Variants in CALCR observed in about 807,000 individuals in gnomAD.
CALCR encodes calcitonin receptor.
Under a neutral mutation model 59.5 loss-of-function variants are expected in CALCR, and 47 were observed. The ratio of observed to expected loss-of-function variants is 0.79; its 90% confidence interval spans 0.63 to 1.01. The LOEUF (loss-of-function observed/expected upper bound fraction) is 1.01. CALCR is among the 50% of genes least tolerant of loss of function. The pLI, the probability that CALCR is intolerant of heterozygous loss-of-function variation, is 0.00. For synonymous variants in CALCR, 213 were observed against 211.3 expected (o/e 1.01, Z -0.07); for missense variants, 566 against 597.1 (o/e 0.95, Z 0.54).
intron 3 of CALCR, among the ~76,000 whole-genome samples, chr7:93,480,916 C>T (rs1043090334): frequency 7.9e-5 from 12 of 151,688 alleles, no homozygotes; most frequent in African/African-American, 2.9e-4. Flanking sequence ...AACCATCTTG[C>T]CTGAAGGGGA....
At chr7:93,529,866 T>A (rs959504754) in intron 2 of CALCR, among the ~76,000 whole-genome samples, 1 of 152,162 alleles carries the variant, frequency 6.6e-6, no homozygotes, top group African/African-American at 2.4e-5. Context: ...AAGGCAAAAT[T>A]TAAGTCTGTG....
At chr7:93,498,783 T>A (rs1324604769) in intron 2 of CALCR, among the ~76,000 whole-genome samples, 1 of 151,676 alleles carries the variant, frequency 6.6e-6, no homozygotes, top group Non-Finnish European at 1.5e-5. Flanking sequence ...TAAAGTAAAC[T>A]CAGTTTTGGA....
At chr7:93,464,690 G>T (rs1223940648) in intron 7 of CALCR, among the ~76,000 whole-genome samples, 4 of 151,762 alleles carry the variant, frequency 2.6e-5, no homozygotes, top group Admixed American at 2.0e-4. Flanking sequence ...TGTTCTATGG[G>T]TGAAGAATAT....
intron 7 of CALCR, 22 bp downstream of exon 7, chr7:93,468,693 C>A (rs1372725459): frequency 6.7e-7 from 1 of 1,484,082 alleles, no homozygotes; most frequent in Non-Finnish European, 9.4e-7. Context: ...AAATAAAGAG[C>A]AGATGCTGTG....
At chr7:93,518,520 T>C (rs2116076139) in intron 2 of CALCR, among the ~76,000 whole-genome samples, 1 of 152,038 alleles carries the variant, frequency 6.6e-6, no homozygotes, top group African/African-American at 2.4e-5. Context: ...TGTCCAGCAT[T>C]GGTATTTATA....
chr7:93,569,572 C>T (rs1789953197), intron 2 of CALCR, among the ~76,000 whole-genome samples: 1 of 152,150 alleles, frequency 6.6e-6, no homozygotes, highest in Admixed American at 6.5e-5. Context: ...TAGGCACCCT[C>T]ATGGCATTTC....
intron 12 of CALCR, among the ~76,000 whole-genome samples, chr7:93,434,576 G>A (rs553295168): frequency 2.5e-4 from 38 of 150,568 alleles, no homozygotes; most frequent in Non-Finnish European, 4.6e-4. Flanking sequence ...AGCAGCATAT[G>A]CTGATTATGG....
At chr7:93,465,152 C>T (rs552547554) in intron 7 of CALCR, among the ~76,000 whole-genome samples, 1 of 151,964 alleles carries the variant, frequency 6.6e-6, no homozygotes, top group South Asian at 2.1e-4. Flanking sequence ...AATGAATGGT[C>T]TGTTATGCTT....
At chr7:93,548,021 C>T (rs75524944) in intron 2 of CALCR, among the ~76,000 whole-genome samples, 8,921 of 152,200 alleles carry the variant, frequency 0.059, 264 homozygotes, top group Middle Eastern at 0.085. Flanking sequence ...GTACACATAA[C>T]CCTGTCTATG....
chr7:93,490,380 A>G (rs1801047464), intron 2 of CALCR, among the ~76,000 whole-genome samples: 1 of 151,868 alleles, frequency 6.6e-6, no homozygotes, highest in Non-Finnish European at 1.5e-5. Flanking sequence ...CCTATTCAAC[A>G]TGGTATTGGA....
chr7:93,460,954 G>A lies in CALCR; in HGVS notation c.522-7C>T. On this transcript the variant is annotated splice_polypyrimidine_tract_variant and splice_region_variant and intron_variant, in intron 7 of 13. Transcript: ENST00000426151. ...CCTTTGGCAGCCAAGGCTCCTGGAA[G>A]AAAAAGTAACATAAAGCATTAACCA... 1.9e-6 allele frequency: 3 copies of A among 1,604,004 alleles called. No homozygotes were observed. Among genetic ancestry groups the A allele is most frequent in the East Asian group, 2.3e-5 (1 of 44,372 alleles).
At chr7:93,573,291 A>G (rs1050023250) in intron 2 of CALCR, among the ~76,000 whole-genome samples, 2 of 152,206 alleles carry the variant, frequency 1.3e-5, no homozygotes, top group African/African-American at 2.4e-5. Context: ...TGATCATTTA[A>G]GACAGACTTA....
chr7:93,502,593 C>T lies in CALCR; in HGVS notation c.-26-15586G>A, dbSNP rs1019107749. 7.9e-5 allele frequency among the ~76,000 whole-genome samples: 12 copies of T among 152,168 alleles called. No homozygotes were observed. The South Asian group carries it at 2.3e-3, about 29-fold the overall frequency. On this transcript the variant is annotated intron_variant, in intron 2 of 13. Transcript: ENST00000426151. ...TGCCAAAATTCTTAAAACATCCAGACCCTTTGACTAAGGTTTTTTTCCTCT... is the reference window on the plus strand; with the variant it reads ...TGCCAAAATTCTTAAAACATCCAGATCCTTTGACTAAGGTTTTTTTCCTCT...
intron 6 of CALCR, among the ~76,000 whole-genome samples, chr7:93,471,711 T>G (rs1467714107): frequency 1.3e-5 from 2 of 151,736 alleles, no homozygotes; most frequent in Non-Finnish European, 2.9e-5. Flanking sequence ...GTTGTAGACT[T>G]GGTGAATTTT....
chr7:93,436,573 C>A (rs1348966265), intron 11 of CALCR, among the ~76,000 whole-genome samples: 1 of 152,092 alleles, frequency 6.6e-6, no homozygotes, highest in Non-Finnish European at 1.5e-5. Context: ...ATTGCAGATA[C>A]CTTCTTGGAC....
intron 11 of CALCR, 121 bp downstream of exon 11, chr7:93,437,939 G>GT: frequency 1.1e-6 from 1 of 941,870 alleles, no homozygotes; most frequent in Non-Finnish European, 1.6e-6. Context: ...TTTTACTACA[G>GT]AATACCATCA....
intron 2 of CALCR, among the ~76,000 whole-genome samples, chr7:93,512,622 G>A (rs1462376834): frequency 6.6e-6 from 1 of 152,166 alleles, no homozygotes; most frequent in Non-Finnish European, 1.5e-5. Flanking sequence ...ATCCAGCTGA[G>A]TATCCTAAAA....
chr7:93,474,253 C>T (rs568897932), intron 5 of CALCR, among the ~76,000 whole-genome samples: 11 of 151,592 alleles, frequency 7.3e-5, no homozygotes, highest in Middle Eastern at 3.4e-3. Flanking sequence ...TAATATTTAT[C>T]AAGACACTAT....
At chr7:93,516,840 T>C (rs1801661354) in intron 2 of CALCR, among the ~76,000 whole-genome samples, 1 of 151,900 alleles carries the variant, frequency 6.6e-6, no homozygotes, top group South Asian at 2.1e-4. Context: ...GAATAGAGGA[T>C]GATGTTGCAT....
Sources: allele counts gnomAD v4.1 joint callset (sites outside exome capture counted in the v4.1 genomes callset), GRCh38; gene constraint gnomAD v4.1.1; transcripts MANE v1.5; gene names NCBI Gene and HGNC (gene_info 2026-07-23, HGNC 2026-07-21).